The following CIZ1 variants were observed in gnomAD, a reference collection of about 807,000 sequenced individuals.
CIZ1 encodes the protein cip1-interacting zinc finger protein.
CIZ1 carries 58 observed loss-of-function variants against 118.6 expected under a neutral mutation model. That is an observed-to-expected ratio of 0.49 (90% CI 0.40 to 0.61). The LOEUF (loss-of-function observed/expected upper bound fraction) is 0.61. CIZ1 is among the 20% of genes least tolerant of loss of function. The probability of loss-of-function intolerance (pLI) is 0.00; values close to 1 mark genes in which losing one functional copy is unlikely to be tolerated. For missense variants in CIZ1, 921 were observed against 1,115.9 expected (o/e 0.83, Z 2.49); for synonymous variants, 448 against 443.4 (o/e 1.01, Z -0.13).
intron 5 of CIZ1, among the ~76,000 whole-genome samples, chr9:128,181,313 A>G (rs574289934): frequency 6.6e-6 from 1 of 152,302 alleles, no homozygotes; most frequent in Non-Finnish European, 1.5e-5. Flanking sequence ...TTGGGGTTTC[A>G]CTATGTTGGC....
At chr9:128,172,107 C>T (rs903054970) in intron 11 of CIZ1, among the ~76,000 whole-genome samples, 6 of 133,052 alleles carry the variant, frequency 4.5e-5, no homozygotes, top group Non-Finnish European at 9.2e-5. Flanking sequence ...GTGATCACAC[C>T]ACTACGCTCC....
upstream of CIZ1, among the ~76,000 whole-genome samples, chr9:128,194,030 T>G (rs1833313220): frequency 1.3e-5 from 2 of 152,192 alleles, no homozygotes; most frequent in African/African-American, 4.8e-5. Flanking sequence ...ACTTCCTGTG[T>G]TGGTTCATCT....
intron 4 of CIZ1, among the ~76,000 whole-genome samples, chr9:128,186,628 T>C (rs1282705090): frequency 6.6e-6 from 1 of 152,212 alleles, no homozygotes; most frequent in African/African-American, 2.4e-5. Context: ...AGCTCCCTGC[T>C]GTTGGGTAGC....
Position 128,180,720 on chromosome 9 carries a change from C to G in CIZ1, c.682+1G>C. 1.2e-6 allele frequency: 2 copies of G among 1,603,204 alleles called. No homozygotes were observed. Among genetic ancestry groups the G allele is most frequent in the Non-Finnish European group, 1.7e-6 (2 of 1,174,888 alleles). Reference sequence around the variant, plus strand: ...AAGGGCCAGCAGCCTCCCTCCCTCACCTTCTGGTGTGTCCATCCGGGGCTC... The same window carrying G: ...AAGGGCCAGCAGCCTCCCTCCCTCAGCTTCTGGTGTGTCCATCCGGGGCTC... On this transcript the variant is annotated splice_donor_variant, in intron 6 of 16. Coordinates refer to ENST00000372938, the MANE Select transcript of CIZ1 (RefSeq NM_001131016.2). LOFTEE classifies it high-confidence loss of function.
intron 1 of CIZ1, chr9:128,198,483 A>T (rs1334268838): frequency 6.6e-6 from 1 of 152,220 alleles, no homozygotes; most frequent in Non-Finnish European, 1.5e-5. Context: ...GCTCAATTCA[A>T]CTGGCATTTA....
At position 128,190,444 on chromosome 9, in the gene CIZ1, CCT is replaced by C. The variant is rs1564300012; in HGVS notation, c.171-2_171-1del. On this transcript the variant is annotated splice_acceptor_variant, in intron 2 of 16. Transcript: ENST00000372938. LOFTEE classifies it high-confidence loss of function. ...GCTGTGGCTGCTGCGGGGGGAGCCCCCTGTGTGTTGGGAGGGGGTGTCAGAGG... is the reference window on the plus strand; with the variant it reads ...GCTGTGGCTGCTGCGGGGGGAGCCCCGTGTGTTGGGAGGGGGTGTCAGAGG... 1 of 1,610,142 alleles carries C rather than the reference CCT, an allele frequency of 6.2e-7. No individual in the cohort carries two copies.
At chr9:128,173,313 T>C (rs1200402793) in intron 11 of CIZ1, among the ~76,000 whole-genome samples, 7 of 151,788 alleles carry the variant, frequency 4.6e-5, no homozygotes, top group Non-Finnish European at 7.4e-5. Flanking sequence ...CCCGGCTAAT[T>C]TTTTGTATTT....
chr9:128,186,281 G>A (rs932332883), intron 4 of CIZ1, among the ~76,000 whole-genome samples: 5 of 151,984 alleles, frequency 3.3e-5, no homozygotes, highest in African/African-American at 7.3e-5. Context: ...ATGACAAAAC[G>A]GAGACAGAGT....
At chr9:128,181,497 T>C (rs1588195444) in intron 5 of CIZ1, among the ~76,000 whole-genome samples, 5 of 151,234 alleles carry the variant, frequency 3.3e-5, no homozygotes, top group South Asian at 2.1e-4. Flanking sequence ...TACTTTTTAT[T>C]CCAATATTAT....
Position 128,185,715 on chromosome 9 carries a change from T to C in CIZ1, c.420A>G (p.Pro140=). The C allele has an allele frequency of 6.2e-7, 1 of 1,611,684 alleles. No homozygotes were observed. The highest frequency in any genetic ancestry group is 8.5e-7 in the Non-Finnish European group (1 of 1,178,900). The change falls in exon 5 of 17, where the codon CCA becomes CCG. Residue 140 remains proline (P), a synonymous_variant. Transcript: ENST00000372938. ...PGLAAPSLTP[P]QLATPNLQQF... ...GTTGCAAATTTGGAGTGGCCAGTTG[T>C]GGGGGTGTGAGGCTGGGGGCTGCGA...
At chr9:128,201,049 A>C (rs1452038080) in intron 1 of CIZ1, among the ~76,000 whole-genome samples, 1 of 151,962 alleles carries the variant, frequency 6.6e-6, no homozygotes, top group African/African-American at 2.4e-5. Context: ...CAGGCAGATC[A>C]CAAGGTCAGG....
chr9:128,171,507 C>T (rs746757410), intron 11 of CIZ1, among the ~76,000 whole-genome samples: 1 of 150,536 alleles, frequency 6.6e-6, no homozygotes, highest in Non-Finnish European at 1.5e-5. Context: ...GCAGGCACAT[C>T]ATAAGGTCAA....
chr9:128,189,108 T>C (rs1415520054), intron 3 of CIZ1, among the ~76,000 whole-genome samples: 1 of 152,084 alleles, frequency 6.6e-6, no homozygotes, highest in African/African-American at 2.4e-5. Context: ...GCCTAATTTT[T>C]GTATTTTTAA....
chr9:128,166,394 C>A lies in CIZ1; in HGVS notation c.2500G>T (p.Ala834Ser). Residue 834 changes from alanine to serine, a missense_variant, in exon 17 of 17, where the codon GCC becomes TCC. Ala to Ser is a moderately conservative substitution (Grantham distance 99). Transcript: ENST00000372938. The surrounding 1 kb of genome is among the most constrained non-coding windows in gnomAD (Gnocchi z 4.4). ...HFENLQKYKA[A>S]KNPSPTTRPV... ...CGGGTGGTGGGGCTGGGGTTCTTGG[C>A]CGCCTTGTATTTCTGGATACAGAAG... The A allele has an allele frequency of 1.3e-6, 2 of 1,538,060 alleles. No individual in the cohort carries two copies. The highest frequency in any genetic ancestry group is 1.7e-4 in the Middle Eastern group (1 of 5,858).
Position 128,203,070 on chromosome 9 carries a change from C to G in CIZ1, c.-6+1116G>C, listed in dbSNP as rs2131058665. 1 of 152,306 alleles carries G rather than the reference C, an allele frequency of 6.6e-6. No individual in the cohort carries two copies. The highest frequency in any genetic ancestry group is 2.1e-4 in the South Asian group (1 of 4,828). 9.4% of individuals were successfully genotyped at this position (152,306 alleles called of 1,614,324 possible). The stretch of plus-strand genomic sequence containing the variant: ...CAGGAGGCTGTGACCTCAGAGGAAG[C>G]CCATCTGCTCTCCAGGCCTGTTTCC... On this transcript the variant is annotated intron_variant, in intron 1 of 17. Coordinates refer to the CIZ1 transcript ENST00000372948. The surrounding 1 kb of genome is among the most constrained non-coding windows in gnomAD (Gnocchi z 5.3).
At position 128,177,802 on chromosome 9, in the gene CIZ1, T is replaced by C. The variant is rs45603337; in HGVS notation, c.1621-39A>G. On this transcript the variant is annotated intron_variant, in intron 9 of 16. Transcript: ENST00000372938. ...AGGAACTGAACTTCCATCAACTGTG[T>C]ACTTATAGTGGGCCAGCCCAGCATT... The C allele has an allele frequency of 2.4e-3, 3,337 of 1,416,208 alleles. 85 individuals are homozygous for C. The East Asian group carries it at 0.048, about 20-fold the overall frequency. The allele number at this position is 1,416,208 out of a possible 1,614,324, so 87.7% of individuals were successfully genotyped here.
chr9:128,185,665 T>G lies in CIZ1; in HGVS notation c.470A>C (p.Gln157Pro). The change falls in exon 5 of 17, where the codon CAG becomes CCG. Residue 157 changes from glutamine (Q) to proline (P), a missense_variant. Physicochemically the swap from Gln to Pro is moderately conservative, Grantham distance 76. Transcript: ENST00000372938. ...LQQFFPQATR[Q>P]SLLGPPPVGV... ...AACAGGAGGAGGTCCCAGCAAGGACTGGCGAGTGGCCTGGGGAAAGAACTG... is the reference window on the plus strand; with the variant it reads ...AACAGGAGGAGGTCCCAGCAAGGACGGGCGAGTGGCCTGGGGAAAGAACTG... The G allele has an allele frequency of 6.3e-7, 1 of 1,598,080 alleles. No homozygotes were observed. The highest frequency in any genetic ancestry group is 8.5e-7 in the Non-Finnish European group (1 of 1,171,366).
At chr9:128,171,748 A>G (rs528539830) in intron 11 of CIZ1, among the ~76,000 whole-genome samples, 4 of 152,024 alleles carry the variant, frequency 2.6e-5, no homozygotes, top group Admixed American at 6.6e-5. Flanking sequence ...GAAAATAAAT[A>G]AATAAATAAA....
At position 128,190,438 on chromosome 9, in the gene CIZ1, G is replaced by A. The variant is rs1365390102; in HGVS notation, c.177C>T (p.Leu59=). 3 of 1,611,518 alleles carry A rather than the reference G, an allele frequency of 1.9e-6. No individual in the cohort carries two copies. Among genetic ancestry groups the A allele is most frequent in the East Asian group, 2.2e-5 (1 of 44,822 alleles). ...GCGGCTGCTGTGGCTGCTGCGGGGG[G>A]AGCCCCCTGTGTGTTGGGAGGGGGT... ...APLPMAVSRG[L]PPQQPQQPLL... is the part of the protein sequence containing the mutation. The change falls in exon 3 of 17, where the codon CTC becomes CTT. Residue 59 remains leucine, a synonymous_variant. Coordinates refer to ENST00000372938, the MANE Select transcript of CIZ1 (RefSeq NM_001131016.2).
Sources: allele counts gnomAD v4.1 joint callset (sites outside exome capture counted in the v4.1 genomes callset), GRCh38; gene constraint gnomAD v4.1.1; non-coding constraint Gnocchi (gnomAD v3.1); transcripts MANE v1.5; gene names NCBI Gene and HGNC (gene_info 2026-07-23, HGNC 2026-07-21).